SEMA3C: variants seen among roughly 807,000 people sequenced by gnomAD.
SEMA3C encodes the protein semaphorin 3C.
A neutral mutation model predicts 89.4 loss-of-function variants in SEMA3C; 47 were observed. The ratio of observed to expected loss-of-function variants is 0.53; its 90% CI spans 0.42 to 0.67. SEMA3C has a LOEUF of 0.67. SEMA3C is among the 30% of genes least tolerant of loss of function. The pLI is 0.00. For missense variants in SEMA3C, 839 were observed against 929.1 expected (o/e 0.90, Z 1.26); for synonymous variants, 310 against 320.2 (o/e 0.97, Z 0.34).
At chr7:80,891,211 T>C (rs904731077) in intron 2 of SEMA3C, among the ~76,000 whole-genome samples, 2 of 152,174 alleles carry the variant, frequency 1.3e-5, no homozygotes, top group Non-Finnish European at 2.9e-5. Flanking sequence ...TGATTGTCCA[T>C]AAGTGAAACA....
At chr7:80,817,269 A>C (rs1389547444) in intron 5 of SEMA3C, among the ~76,000 whole-genome samples, 1 of 152,190 alleles carries the variant, frequency 6.6e-6, no homozygotes, top group African/African-American at 2.4e-5. Flanking sequence ...AACTTAAAAA[A>C]ACATTGTTCA....
intron 2 of SEMA3C, among the ~76,000 whole-genome samples, chr7:80,834,008 T>C (rs1252251808): frequency 6.6e-6 from 1 of 152,144 alleles, no homozygotes; most frequent in Non-Finnish European, 1.5e-5. Flanking sequence ...GCATTGTCAT[T>C]CCTTTAACCT....
chr7:80,877,766 TA>T (rs1791234368), intron 2 of SEMA3C, among the ~76,000 whole-genome samples: 1 of 152,226 alleles, frequency 6.6e-6, no homozygotes, highest in South Asian at 2.1e-4. Context: ...TTGATTGTAA[TA>T]AGGATTTTAT....
At chr7:80,891,758 C>T (rs546630784) in intron 2 of SEMA3C, among the ~76,000 whole-genome samples, 4 of 152,164 alleles carry the variant, frequency 2.6e-5, no homozygotes, top group East Asian at 1.9e-4. Context: ...ACTATGAGGA[C>T]TAGTGATTTC....
At chr7:80,904,555 T>C (rs1791960817) in intron 2 of SEMA3C, among the ~76,000 whole-genome samples, 1 of 152,184 alleles carries the variant, frequency 6.6e-6, no homozygotes, top group Admixed American at 6.5e-5. Flanking sequence ...TTACCTGGCT[T>C]TGAGAATCTC....
intron 2 of SEMA3C, among the ~76,000 whole-genome samples, chr7:80,853,145 G>C (rs1790555759): frequency 6.6e-6 from 1 of 152,032 alleles, no homozygotes; most frequent in African/African-American, 2.4e-5. Flanking sequence ...ATGTGGAGAG[G>C]GAATCTTTCC....
chr7:80,878,362 G>T (rs879486658), intron 2 of SEMA3C, among the ~76,000 whole-genome samples: 1 of 152,082 alleles, frequency 6.6e-6, no homozygotes, highest in Non-Finnish European at 1.5e-5. Flanking sequence ...TGGGCAATAA[G>T]AGCAAAACTC....
intron 2 of SEMA3C, among the ~76,000 whole-genome samples, chr7:80,890,467 T>A (rs2116146035): frequency 6.6e-6 from 1 of 152,292 alleles, no homozygotes; most frequent in South Asian, 2.1e-4. Flanking sequence ...TAAAATAAAC[T>A]TTAGAAACCA....
intron 2 of SEMA3C, among the ~76,000 whole-genome samples, chr7:80,884,887 T>C (rs1431585829): frequency 6.6e-6 from 1 of 152,168 alleles, no homozygotes; most frequent in Non-Finnish European, 1.5e-5. Context: ...TGTAAAGAAC[T>C]GGAGAATAAT....
intron 16 of SEMA3C, among the ~76,000 whole-genome samples, chr7:80,750,473 T>TATACACACAC (rs869227686): frequency 2.2e-3 from 122 of 55,346 alleles, no homozygotes; most frequent in Non-Finnish European, 2.7e-3. Flanking sequence ...TATATATATA[T>TATACACACAC]ACACACACAC....
chr7:80,856,845 C>G (rs1790654205), intron 2 of SEMA3C, among the ~76,000 whole-genome samples: 1 of 152,018 alleles, frequency 6.6e-6, no homozygotes, highest in Admixed American at 6.6e-5. Flanking sequence ...AGATTCTGCC[C>G]CCTGTGCCAC....
At chr7:80,916,529 A>C in intron 2 of SEMA3C, 150 bp downstream of exon 2, 1 of 592,582 alleles carries the variant, frequency 1.7e-6, no homozygotes, top group Non-Finnish European at 2.7e-6. Flanking sequence ...CAATCATTTA[A>C]AATAGCTATT....
intron 2 of SEMA3C, among the ~76,000 whole-genome samples, chr7:80,863,249 G>A (rs1473347046): frequency 7.2e-6 from 1 of 139,694 alleles, no homozygotes; most frequent in Non-Finnish European, 1.5e-5. Flanking sequence ...AAAAAAAATA[G>A]CTCAACATCA....
chr7:80,885,966 C>T (rs1791465327), intron 2 of SEMA3C, among the ~76,000 whole-genome samples: 1 of 152,168 alleles, frequency 6.6e-6, no homozygotes. Context: ...TCTATTACAA[C>T]AAACCTGCTG....
intron 12 of SEMA3C, among the ~76,000 whole-genome samples, chr7:80,769,533 C>A (rs1024450833): frequency 2.6e-5 from 4 of 152,078 alleles, no homozygotes; most frequent in Admixed American, 1.3e-4. Context: ...AAAAATATTA[C>A]ACAAAGAAGG....
rs201857323 is a variant in SEMA3C, at chr7:80,880,746, GA to G, written c.103+35932del. On this transcript the variant is annotated intron_variant, in intron 2 of 17. Coordinates refer to ENST00000265361, the MANE Select transcript of SEMA3C (RefSeq NM_006379.5). ...TCCAGATCAGCCTGGCCACCATGGT[GA>G]AACCCCATCTCTACTAAAAACACAA... 5.2e-3 allele frequency among the ~76,000 whole-genome samples: 788 copies of G among 152,228 alleles called. 5 individuals carry two copies. The highest frequency in any genetic ancestry group is 0.017 in the African/African-American group (724 of 41,534).
At chr7:80,817,472 TGTTAA>T (rs1789635538) in intron 5 of SEMA3C, among the ~76,000 whole-genome samples, 2 of 152,314 alleles carry the variant, frequency 1.3e-5, no homozygotes, top group Admixed American at 1.3e-4. Context: ...AAAATAATTA[TGTTAA>T]GTAAAACAAC....
At chr7:80,756,627 C>T (rs1001627080) in intron 15 of SEMA3C, among the ~76,000 whole-genome samples, 1 of 152,142 alleles carries the variant, frequency 6.6e-6, no homozygotes, top group East Asian at 1.9e-4. Flanking sequence ...TCATTTCTTC[C>T]TATCGTTCCT....
chr7:80,780,333 T>C (rs1172645100), intron 12 of SEMA3C, among the ~76,000 whole-genome samples: 1 of 152,230 alleles, frequency 6.6e-6, no homozygotes, highest in African/African-American at 2.4e-5. Flanking sequence ...TAAATTCTAA[T>C]GACTGAATAA....
Sources: gnomAD v4.1 joint callset for allele counts (sites outside exome capture counted in the v4.1 genomes callset) on GRCh38, gnomAD v4.1.1 for gene constraint, MANE v1.5 for transcripts, NCBI Gene and HGNC (gene_info 2026-07-23, HGNC 2026-07-21) for gene names.